AVL9: variants seen among roughly 807,000 people sequenced by gnomAD.
The protein encoded by AVL9 is late secretory pathway protein AVL9 homolog.
In AVL9, 49 loss-of-function variants were observed where a neutral mutation model predicts 79.2. The ratio of observed to expected loss-of-function variants is 0.62; its 90% CI spans 0.49 to 0.79. The LOEUF (loss-of-function observed/expected upper bound fraction) is 0.79, where lower values mean the gene tolerates loss of function less well. AVL9 is among the 30% of genes least tolerant of loss of function. The probability of loss-of-function intolerance (pLI) is 0.00; values close to 1 mark genes in which losing one functional copy is unlikely to be tolerated. For synonymous variants in AVL9, 299 were observed against 280.6 expected (o/e 1.07, Z -0.65); for missense variants, 682 against 776.8 (o/e 0.88, Z 1.45).
chr7:32,526,218 A>G (rs1413047292), intron 1 of AVL9, among the ~76,000 whole-genome samples: 2 of 152,120 alleles, frequency 1.3e-5, no homozygotes, highest in South Asian at 2.1e-4. Context: ...TTTAACTGCC[A>G]TTAGAAGGAT....
At chr7:32,580,508 AG>A (rs1791447783) in intron 14 of AVL9, among the ~76,000 whole-genome samples, 2 of 152,206 alleles carry the variant, frequency 1.3e-5, no homozygotes, top group Admixed American at 1.3e-4. Flanking sequence ...ATTTTGGTGA[AG>A]TGCTTTTAGC....
rs1440803977 is a variant in AVL9 at position 32,579,436 on chromosome 7, A to G, written c.1689-783A>G. On this transcript the variant is annotated intron_variant, in intron 13 of 15. Transcript: ENST00000318709. Reference sequence around the variant, plus strand: ...AATATGTTATATATATAATATATATATTATATATAATATATTATATATTAT... The same window carrying G: ...AATATGTTATATATATAATATATATGTTATATATAATATATTATATATTAT... 6.3e-3 allele frequency among the ~76,000 whole-genome samples: 58 copies of G among 9,250 alleles called. 9 individuals are homozygous for G. Among genetic ancestry groups the G allele is most frequent in the African/African-American group, 0.027 (58 of 2,176 alleles). 6.1% of individuals were successfully genotyped at this position (9,250 alleles called of 152,430 possible).
At chr7:32,511,681 G>T (rs1331474126) in intron 1 of AVL9, among the ~76,000 whole-genome samples, 1 of 152,020 alleles carries the variant, frequency 6.6e-6, no homozygotes. Context: ...AGGGTGCTGG[G>T]AAGGGGCGAC....
At chr7:32,544,957 T>C (rs182675419) in intron 3 of AVL9, among the ~76,000 whole-genome samples, 178 bp downstream of exon 3, 1 of 152,334 alleles carries the variant, frequency 6.6e-6, no homozygotes, top group East Asian at 1.9e-4. Flanking sequence ...TAAGTTGACA[T>C]TGGTGGCTAT....
intron 1 of AVL9, among the ~76,000 whole-genome samples, chr7:32,498,260 T>G (rs1385725704): frequency 6.6e-5 from 8 of 120,854 alleles, no homozygotes; most frequent in African/African-American, 2.4e-4. Context: ...TTTTTTTTTT[T>G]TGAGACGGAG....
At chr7:32,543,368 CTATT>C in intron 2 of AVL9, 107 bp downstream of exon 2, 1 of 1,336,362 alleles carries the variant, frequency 7.5e-7, no homozygotes. Flanking sequence ...CCTGTTAGAA[CTATT>C]TATAAAATAT....
intron 6 of AVL9, among the ~76,000 whole-genome samples, chr7:32,552,994 G>A (rs1186938807): frequency 6.6e-6 from 1 of 151,930 alleles, no homozygotes; most frequent in African/African-American, 2.4e-5. Flanking sequence ...TATTCAATGG[G>A]CAACTCAATA....
At chr7:32,510,228 T>A (rs542051994) in intron 1 of AVL9, among the ~76,000 whole-genome samples, 98 of 149,966 alleles carry the variant, frequency 6.5e-4, no homozygotes, top group African/African-American at 2.2e-3. Context: ...GGTCTGGCTG[T>A]GGGAGTCCAC....
At chr7:32,576,161 T>C in intron 13 of AVL9, 89 bp downstream of exon 13, 1 of 888,186 alleles carries the variant, frequency 1.1e-6, no homozygotes, top group East Asian at 2.5e-5. Flanking sequence ...ACTTTGATAT[T>C]GTGAATATCC....
In AVL9 at chr7:32,547,889, C is replaced by T. The variant is rs1789596909; in HGVS notation, c.301-958C>T. Among the ~76,000 whole-genome samples the T allele has an allele frequency of 1.3e-5, 2 of 152,198 alleles. 1 individual carries two copies. The highest frequency in any genetic ancestry group is 4.1e-4 in the South Asian group (2 of 4,828). On this transcript the variant is annotated intron_variant, in intron 3 of 15. Coordinates refer to ENST00000318709, the MANE Select transcript of AVL9 (RefSeq NM_015060.3). ...AGATCCAAGAAGGTGTCAGGCAGTA[C>T]ACTAGAGGAGGAAGTCTTTCTTACT...
intron 3 of AVL9, among the ~76,000 whole-genome samples, chr7:32,548,151 C>CTTTTGTTTTCTTTTTTTTTT (rs71559236): frequency 3.8e-5 from 5 of 131,592 alleles, no homozygotes; most frequent in African/African-American, 1.5e-4. Context: ...TCTCTTTTTT[C>CTTTTGTTTTCTTTTTTTTTT]TTTTTTTTTT....
chr7:32,505,730 GTAATT>G (rs138144127), intron 1 of AVL9, among the ~76,000 whole-genome samples: 2,392 of 152,186 alleles, frequency 0.016, 74 homozygotes, highest in African/African-American at 0.054. Context: ...TTACAAGTAT[GTAATT>G]TAGAAAAAAA....
At chr7:32,562,667 C>T (rs1359722472) in intron 10 of AVL9, 1 of 978,326 alleles carries the variant, frequency 1.0e-6, no homozygotes, top group Non-Finnish European at 1.2e-6. Context: ...CACCTGTAAT[C>T]CCAGCACTTT....
chr7:32,506,891 C>T (rs530601204), intron 1 of AVL9, among the ~76,000 whole-genome samples: 138 of 151,780 alleles, frequency 9.1e-4, no homozygotes, highest in Non-Finnish European at 1.7e-3. Context: ...ACATTAATAC[C>T]AAAGCCAGAC....
At chr7:32,508,326 A>G (rs1259566578) in intron 1 of AVL9, among the ~76,000 whole-genome samples, 1 of 152,206 alleles carries the variant, frequency 6.6e-6, no homozygotes, top group Non-Finnish European at 1.5e-5. Flanking sequence ...TACCTTCTAG[A>G]TCAGTGTTGT....
intron 10 of AVL9, among the ~76,000 whole-genome samples, chr7:32,560,924 A>G (rs1037844881): frequency 3.9e-5 from 6 of 152,226 alleles, no homozygotes; most frequent in African/African-American, 1.2e-4. Context: ...GACCAGGTGC[A>G]TTGTCAATGA....
intron 1 of AVL9, among the ~76,000 whole-genome samples, chr7:32,500,834 G>A (rs1787097758): frequency 6.6e-6 from 1 of 152,092 alleles, no homozygotes; most frequent in South Asian, 2.1e-4. Context: ...TGGCTTGCCT[G>A]TTTTCCCAGC....
chr7:32,557,851 CTCTT>C (rs1361763467), intron 8 of AVL9, among the ~76,000 whole-genome samples: 3,031 of 64,076 alleles, frequency 0.047, 93 homozygotes, highest in African/African-American at 0.16. Flanking sequence ...TTAGCTGTTA[CTCTT>C]TTTTTTTTTT....
At chr7:32,539,425 A>T (rs760558012) in intron 1 of AVL9, among the ~76,000 whole-genome samples, 1 of 149,716 alleles carries the variant, frequency 6.7e-6, no homozygotes, top group Non-Finnish European at 1.5e-5. Context: ...AAGTACTGGG[A>T]CATTTCCATA....
Sources: gnomAD v4.1 joint callset for allele counts (sites outside exome capture counted in the v4.1 genomes callset) on GRCh38, gnomAD v4.1.1 for gene constraint, MANE v1.5 for transcripts, NCBI Gene and HGNC (gene_info 2026-07-23, HGNC 2026-07-21) for gene names.